The following CUBN variants were observed in gnomAD, a reference collection of about 807,000 sequenced individuals.
CUBN encodes the protein 460 kDa receptor.
CUBN carries 282 observed loss-of-function variants against 405.3 expected under a neutral mutation model. The ratio of observed to expected loss-of-function variants is 0.70; its 90% CI spans 0.63 to 0.77. The LOEUF (loss-of-function observed/expected upper bound fraction) is 0.77. CUBN is among the 30% of genes least tolerant of loss of function. CUBN has a pLI of 0.00. For missense variants in CUBN, 4,514 were observed against 4,475.2 expected (o/e 1.01, Z -0.25); for synonymous variants, 1,684 against 1,617.0 (o/e 1.04, Z -0.99).
intron 63 of CUBN, among the ~76,000 whole-genome samples, chr10:16,835,577 C>T (rs1839143310): frequency 6.7e-6 from 1 of 149,748 alleles, no homozygotes; most frequent in South Asian, 2.1e-4. Context: ...ATTTTAAATC[C>T]ATTGTTGAGT....
chr10:16,873,100 G>GGGGA (rs1840405999), intron 58 of CUBN, among the ~76,000 whole-genome samples: 1 of 151,900 alleles, frequency 6.6e-6, no homozygotes, highest in Non-Finnish European at 1.5e-5. Context: ...GACAAATAGA[G>GGGGA]GGGAGGTAGG....
Position 16,947,158 on chromosome 10 carries a change from C to T in CUBN, c.5342+77G>A, listed in dbSNP as rs945021313. ...TAAATTTCACGTACACTATGAGTTGCCCATCCTATTAGCACCAGAACTTCT... is the reference window on the plus strand; with the variant it reads ...TAAATTTCACGTACACTATGAGTTGTCCATCCTATTAGCACCAGAACTTCT... On this transcript the variant is annotated intron_variant, in intron 36 of 66. Transcript: ENST00000377833. 3.3e-5 allele frequency: 48 copies of T among 1,457,230 alleles called. 5 individuals are homozygous for T. The highest frequency in any genetic ancestry group is 1.6e-4 in the East Asian group (7 of 44,058). 90.3% of individuals were successfully genotyped at this position (1,457,230 alleles called of 1,614,324 possible). A position where few individuals can be genotyped will look rare whatever the true frequency, so the allele number is the denominator to read the frequency against.
intron 17 of CUBN, among the ~76,000 whole-genome samples, chr10:17,080,370 C>T (rs1835941348): frequency 6.6e-6 from 1 of 152,184 alleles, no homozygotes; most frequent in Non-Finnish European, 1.5e-5. Context: ...ACTTGTAGAA[C>T]AGGTATATTC....
At chr10:17,034,543 G>A (rs191981442) in intron 27 of CUBN, among the ~76,000 whole-genome samples, 4 of 152,222 alleles carry the variant, frequency 2.6e-5, no homozygotes, top group Admixed American at 2.6e-4. Flanking sequence ...CTCAAGTGCT[G>A]GACCAGGGGC....
At position 16,899,647 on chromosome 10, in the gene CUBN, T is replaced by C. The variant is rs550089736; in HGVS notation, c.8411-464A>G. Among the ~76,000 whole-genome samples, 5 of 152,316 alleles carry C rather than the reference T, an allele frequency of 3.3e-5. No individual in the cohort carries two copies. In the East Asian group the frequency reaches 9.7e-4, roughly 29 times the overall value. On this transcript the variant is annotated intron_variant, in intron 53 of 66. Transcript: ENST00000377833. ...TGGGGAAAATTCTTTTATTAAGCAA[T>C]CTGATTGATTCATATTGAAACTGAC...
chr10:17,040,981 C>T, intron 27 of CUBN, 52 bp downstream of exon 27: 1 of 1,535,162 alleles, frequency 6.5e-7, no homozygotes, highest in Non-Finnish European at 9.0e-7. Flanking sequence ...TAACTTGACA[C>T]ATCTCCCTTG....
rs754072110 is a variant in CUBN at position 17,114,179 on chromosome 10, C to T, written c.731G>A (p.Ser244Asn). 1 of 1,613,810 alleles carries T rather than the reference C, an allele frequency of 6.2e-7. No individual in the cohort carries two copies. Among genetic ancestry groups the T allele is most frequent in the Admixed American group, 1.7e-5 (1 of 59,978 alleles). The change falls in exon 8 of 67, where the codon AGC becomes AAC. Residue 244 changes from serine (S) to asparagine (N), a missense_variant. Transcript: ENST00000377833. ...CATCCACCCAGCATCACAGACGCAG[C>T]TGTACTTGGGCTGGCAGGATGACAA... ...MREQAGEPKY[S>N]CVCDAGWMFS...
At chr10:16,910,850 A>G (rs1351148831) in intron 48 of CUBN, among the ~76,000 whole-genome samples, 1 of 152,100 alleles carries the variant, frequency 6.6e-6, no homozygotes, top group African/African-American at 2.4e-5. Flanking sequence ...TTTCAGGTAT[A>G]CCATTTTTCA....
chr10:17,023,091 A>T (rs1355153239), intron 27 of CUBN, among the ~76,000 whole-genome samples: 1 of 150,798 alleles, frequency 6.6e-6, no homozygotes, highest in East Asian at 2.0e-4. Flanking sequence ...CGTGACTTAA[A>T]GAGATTTCTT....
chr10:16,952,319 T>C lies in CUBN; in HGVS notation c.4926A>G (p.Pro1642=). Residue 1642 remains proline (P), a synonymous_variant, in exon 33 of 67, where the codon CCA becomes CCG. Transcript: ENST00000377833. The part of the protein sequence containing the change: ...VSSPRFPANY[P]NNQNCSWIIQ... Reference sequence around the variant, plus strand: ...TGATCCAGCTGCAGTTCTGATTGTTTGGATAATTGGCAGGGAACCGTGGAG... The same window carrying C: ...TGATCCAGCTGCAGTTCTGATTGTTCGGATAATTGGCAGGGAACCGTGGAG... 2.5e-6 allele frequency: 4 copies of C among 1,614,020 alleles called. No homozygotes were observed. Among genetic ancestry groups the C allele is most frequent in the Non-Finnish European group, 3.4e-6 (4 of 1,179,922 alleles).
chr10:17,078,144 A>G (rs1333255681), intron 17 of CUBN, among the ~76,000 whole-genome samples: 7 of 152,120 alleles, frequency 4.6e-5, no homozygotes, highest in Non-Finnish European at 1.0e-4. Context: ...GACAGGCACA[A>G]TGTGACAAGG....
At chr10:16,898,923 G>C in intron 54 of CUBN, 73 bp downstream of exon 54, 1 of 1,148,328 alleles carries the variant, frequency 8.7e-7, no homozygotes, top group Non-Finnish European at 1.3e-6. Flanking sequence ...GAGCGACAAT[G>C]AATCATTTCT....
intron 60 of CUBN, among the ~76,000 whole-genome samples, chr10:16,843,827 A>T (rs1309862739): frequency 6.6e-6 from 1 of 152,188 alleles, no homozygotes; most frequent in Non-Finnish European, 1.5e-5. Context: ...TAATATGCAC[A>T]TACACTATGC....
chr10:17,077,151 C>T (rs1053697438), intron 17 of CUBN, among the ~76,000 whole-genome samples: 15 of 152,132 alleles, frequency 9.9e-5, no homozygotes, highest in African/African-American at 3.1e-4. Context: ...TAGTGTTTCA[C>T]GGACCAGGTT....
chr10:16,903,657 AATT>A (rs1564414333), intron 51 of CUBN, among the ~76,000 whole-genome samples: 2 of 147,614 alleles, frequency 1.4e-5, no homozygotes, highest in African/African-American at 4.9e-5. Flanking sequence ...TATTATTAAT[AATT>A]ATTTATTATT....
rs572200699 is a variant in CUBN at position 16,988,996 on chromosome 10, G to A, written c.4350+1338C>T. Among the ~76,000 whole-genome samples, 6 of 152,336 alleles carry A rather than the reference G, an allele frequency of 3.9e-5. No individual in the cohort carries two copies. The East Asian group carries it at 1.2e-3, about 29-fold the overall frequency. The stretch of plus-strand genomic sequence containing the variant: ...CCCTAAATGTGCATTATTATGGTGT[G>A]ACAATCAGAGACGTTGATGCTTTCA... On this transcript the variant is annotated intron_variant, in intron 29 of 66. Coordinates refer to ENST00000377833, the MANE Select transcript of CUBN (RefSeq NM_001081.4).
chr10:16,991,569 C>T (rs1260881895), intron 28 of CUBN, among the ~76,000 whole-genome samples: 5 of 150,578 alleles, frequency 3.3e-5, no homozygotes, highest in Non-Finnish European at 7.4e-5. Context: ...TGTTTTCCAA[C>T]AGCAATTTTT....
intron 9 of CUBN, 65 bp from the exon 10 acceptor site, chr10:17,109,800 T>A: frequency 7.7e-7 from 1 of 1,292,848 alleles, no homozygotes; most frequent in Non-Finnish European, 1.1e-6. Context: ...AAAGCCTGTC[T>A]AGGATTCAAA....
intron 8 of CUBN, among the ~76,000 whole-genome samples, chr10:17,113,407 C>T (rs912646679): frequency 7.5e-6 from 1 of 132,854 alleles, no homozygotes; most frequent in Non-Finnish European, 1.6e-5. Flanking sequence ...CAGTGCTTTG[C>T]TCATAGTAGG....
Sources: gnomAD v4.1 joint callset for allele counts (sites outside exome capture counted in the v4.1 genomes callset) on GRCh38, gnomAD v4.1.1 for gene constraint, MANE v1.5 for transcripts, NCBI Gene and HGNC (gene_info 2026-07-23, HGNC 2026-07-21) for gene names.